The following TAFA1 variants were observed in gnomAD, a reference collection of about 807,000 sequenced individuals.
TAFA1 encodes chemokine-like protein TAFA-1.
A neutral mutation model predicts 18.5 loss-of-function variants in TAFA1; 4 were observed. That is an observed-to-expected ratio of 0.22 (90% CI 0.11 to 0.49). The LOEUF (loss-of-function observed/expected upper bound fraction) is 0.49, where lower values mean the gene tolerates loss of function less well. TAFA1 is among the 20% of genes least tolerant of loss of function. The pLI, the probability that TAFA1 is intolerant of heterozygous loss-of-function variation, is 0.98. For missense variants in TAFA1, 147 were observed against 169.0 expected (o/e 0.87, Z 0.72); for synonymous variants, 56 against 55.2 (o/e 1.01, Z -0.06).
In TAFA1 at chr3:68,273,119, C is replaced by G. The variant is rs543692376; in HGVS notation, c.119-144161C>G. Reference sequence around the variant, plus strand: ...GCAAGCAAGGAAACAAATATTAATACAAATGGTGCCAGCCTCATTTTCATA... The same window carrying G: ...GCAAGCAAGGAAACAAATATTAATAGAAATGGTGCCAGCCTCATTTTCATA... On this transcript the variant is annotated intron_variant, in intron 2 of 4. Coordinates refer to ENST00000478136, the MANE Select transcript of TAFA1 (RefSeq NM_213609.4). Among the ~76,000 whole-genome samples, 29 of 152,210 alleles carry G rather than the reference C, an allele frequency of 1.9e-4. No homozygotes were observed. The South Asian group carries it at 6.0e-3, about 32-fold the overall frequency.
Position 68,010,089 on chromosome 3 carries a change from A to C in TAFA1, c.118+3345A>C, listed in dbSNP as rs147112279. On this transcript the variant is annotated intron_variant, in intron 2 of 4. Transcript: ENST00000478136. ...CCTCTTTCATAAAGCAAGAGCAGGC[A>C]GACTCCGCGTGCATACCAAGTATCT... 5.0e-4 allele frequency among the ~76,000 whole-genome samples: 76 copies of C among 152,332 alleles called. 1 individual carries two copies. The East Asian group carries it at 0.013, about 25-fold the overall frequency.
intron 2 of TAFA1, among the ~76,000 whole-genome samples, chr3:68,251,588 A>T (rs911363842): frequency 2.0e-5 from 3 of 152,196 alleles, no homozygotes; most frequent in Non-Finnish European, 2.9e-5. Context: ...AAGGAGGAGG[A>T]GACATCAGGG....
At chr3:68,465,436 C>T (rs2071870245) in intron 3 of TAFA1, among the ~76,000 whole-genome samples, 1 of 152,168 alleles carries the variant, frequency 6.6e-6, no homozygotes. Flanking sequence ...CCATTACTTG[C>T]AGCCAAATGC....
chr3:68,457,664 T>G (rs573730205), intron 3 of TAFA1, among the ~76,000 whole-genome samples: 1 of 152,250 alleles, frequency 6.6e-6, no homozygotes, highest in African/African-American at 2.4e-5. Flanking sequence ...CACCTAAAAT[T>G]TACTCTCTTA....
At chr3:68,275,270 G>C (rs2067772399) in intron 2 of TAFA1, among the ~76,000 whole-genome samples, 1 of 152,010 alleles carries the variant, frequency 6.6e-6, no homozygotes, top group African/African-American at 2.4e-5. Context: ...ATGTTGGGGA[G>C]AAATATGGAG....
At chr3:68,364,931 G>A (rs1575807284) in intron 2 of TAFA1, among the ~76,000 whole-genome samples, 1 of 152,140 alleles carries the variant, frequency 6.6e-6, no homozygotes, top group Non-Finnish European at 1.5e-5. Context: ...GCAAGGCAGG[G>A]ATTTGAACCT....
chr3:68,478,428 A>C (rs1465103775), intron 3 of TAFA1, among the ~76,000 whole-genome samples: 1 of 152,236 alleles, frequency 6.6e-6, no homozygotes, highest in Non-Finnish European at 1.5e-5. Flanking sequence ...GAAAAAAAAC[A>C]AGTAAAAATT....
chr3:67,994,522 A>G, the TAFA1 span, among the ~76,000 whole-genome samples: 1 of 152,228 alleles, frequency 6.6e-6, no homozygotes, highest in African/African-American at 2.4e-5. Context: ...AGAAAGCCCA[A>G]CTGAAGCTGT....
chr3:68,259,621 G>C (rs915215092), intron 2 of TAFA1, among the ~76,000 whole-genome samples: 2 of 152,058 alleles, frequency 1.3e-5, no homozygotes, highest in African/African-American at 4.8e-5. Context: ...ATTGAGCAGT[G>C]GTTTGTAGTT....
chr3:68,061,835 G>A (rs933697049), intron 2 of TAFA1, among the ~76,000 whole-genome samples: 31 of 152,162 alleles, frequency 2.0e-4, no homozygotes, highest in African/African-American at 7.0e-4. Flanking sequence ...TTCAGGAAAG[G>A]AGGGGGAGGT....
At chr3:68,485,424 C>T (rs1424737974) in intron 3 of TAFA1, among the ~76,000 whole-genome samples, 1 of 152,158 alleles carries the variant, frequency 6.6e-6, no homozygotes, top group African/African-American at 2.4e-5. Flanking sequence ...CAGGAAAAGT[C>T]CATCATTTTT....
At chr3:68,329,438 A>G (rs2068828941) in intron 2 of TAFA1, among the ~76,000 whole-genome samples, 1 of 151,916 alleles carries the variant, frequency 6.6e-6, no homozygotes, top group Non-Finnish European at 1.5e-5. Context: ...CTCAAGGATA[A>G]TCTGTGCCAG....
At chr3:68,206,330 G>A (rs2066526032) in intron 2 of TAFA1, among the ~76,000 whole-genome samples, 1 of 151,836 alleles carries the variant, frequency 6.6e-6, no homozygotes, top group Non-Finnish European at 1.5e-5. Flanking sequence ...ATAATAGCAT[G>A]TTGACAGCCT....
chr3:68,020,443 G>T (rs116132104), intron 2 of TAFA1, among the ~76,000 whole-genome samples: 1,628 of 152,252 alleles, frequency 0.011, 31 homozygotes, highest in African/African-American at 0.038. Flanking sequence ...TACCTTGCCA[G>T]CTTAAGTAAG....
chr3:68,191,406 T>C (rs2107013926), intron 2 of TAFA1, among the ~76,000 whole-genome samples: 1 of 151,940 alleles, frequency 6.6e-6, no homozygotes, highest in East Asian at 2.0e-4. Context: ...AACGTAACTA[T>C]GGTCAGAGTG....
chr3:68,387,103 G>A (rs1416821726), intron 2 of TAFA1, among the ~76,000 whole-genome samples: 3 of 151,586 alleles, frequency 2.0e-5, no homozygotes, highest in Non-Finnish European at 4.4e-5. Flanking sequence ...CTTAAGGATG[G>A]AGCCCTTAAG....
intron 2 of TAFA1, among the ~76,000 whole-genome samples, chr3:68,173,448 T>C (rs1002662080): frequency 2.0e-5 from 3 of 152,164 alleles, no homozygotes; most frequent in African/African-American, 7.2e-5. Context: ...ATGATTTGTG[T>C]GATTCACAAC....
chr3:68,192,844 A>T (rs2066359758), intron 2 of TAFA1, among the ~76,000 whole-genome samples: 2 of 151,770 alleles, frequency 1.3e-5, no homozygotes, highest in South Asian at 4.1e-4. Context: ...GGATCAGCTG[A>T]GACCTGAAAC....
chr3:68,464,749 A>T (rs1197748497), intron 3 of TAFA1, among the ~76,000 whole-genome samples: 1 of 152,170 alleles, frequency 6.6e-6, no homozygotes, highest in Non-Finnish European at 1.5e-5. Context: ...TGGAGAATAA[A>T]CTGAAGGTAG....
Sources: gnomAD v4.1 joint callset for allele counts (sites outside exome capture counted in the v4.1 genomes callset) on GRCh38, gnomAD v4.1.1 for gene constraint, MANE v1.5 for transcripts, NCBI Gene and HGNC (gene_info 2026-07-23, HGNC 2026-07-21) for gene names.